The following SUSD2 variants were observed in gnomAD, a reference collection of about 807,000 sequenced individuals.
The protein encoded by SUSD2 is sushi domain containing 2.
SUSD2 carries 86 observed loss-of-function variants against 93.8 expected under a neutral mutation model. That is an observed-to-expected ratio of 0.92 (90% CI 0.77 to 1.10). SUSD2 has a LOEUF of 1.10. Ranked by LOEUF, SUSD2 falls within the 50% of genes least tolerant of loss-of-function variation. The probability of loss-of-function intolerance (pLI) is 0.00; values close to 1 mark genes in which losing one functional copy is unlikely to be tolerated. For missense variants in SUSD2, 1,060 were observed against 1,137.0 expected (o/e 0.93, Z 0.97); for synonymous variants, 483 against 485.0 (o/e 1.00, Z 0.05).
chr22:24,186,552 T>TTCACACCCACCGAGGTGCCCCCG, intron 10 of SUSD2, 137 bp downstream of exon 10: 1 of 1,069,880 alleles, frequency 9.3e-7, no homozygotes. Context: ...ACCTCAGGCC[T>TTCACACCCACCGAGGTGCCCCCG]TCACACCCAC....
chr22:24,183,022 C>T (rs767976927), intron 1 of SUSD2, 35 bp from the exon 2 acceptor site: 5 of 1,594,162 alleles, frequency 3.1e-6, no homozygotes, highest in Non-Finnish European at 8.6e-7. Flanking sequence ...AGTCCAGTAC[C>T]CGCCGGGCCA....
rs1189702841 is a variant in SUSD2 at position 24,184,137 on chromosome 22, G to A, written c.441G>A (p.Val147=). Residue 147 remains valine, a splice_region_variant and synonymous_variant, in exon 4 of 15, where the codon GTG becomes GTA. Coordinates refer to ENST00000358321, the MANE Select transcript of SUSD2 (RefSeq NM_019601.4). ...TCACCCCTCACCTCCCCTGCCCAGT[G>A]CACCCCAACAAAGTGTCAATGATGG... is the stretch of plus-strand genomic sequence containing the variant. The part of the protein sequence containing the change: ...SFPRAGTWLA[V]HPNKVSMMEK... 29 of 1,611,818 alleles carry A rather than the reference G, an allele frequency of 1.8e-5. No homozygotes were observed. Among genetic ancestry groups the A allele is most frequent in the Non-Finnish European group, 2.3e-5 (27 of 1,179,966 alleles).
In SUSD2 at chr22:24,187,603, T is replaced by C; in HGVS notation, c.1924T>C (p.Tyr642His). Residue 642 changes from tyrosine (Y) to histidine (H), a missense_variant, in exon 12 of 15, where the codon TAC (tyrosine) becomes CAC (histidine). This residue lies in a region of SUSD2 where 973 missense variants were observed against 1,005.3 expected (regional missense o/e 0.97). Coordinates refer to ENST00000358321, the MANE Select transcript of SUSD2 (RefSeq NM_019601.4). Reference protein sequence around the residue: ...TVHNASSLLTYDSWFLVHNFL... With the variant: ...TVHNASSLLTHDSWFLVHNFL... ...GCACAATGCGTCCTCCCTGCTCACCTACGATTCCTGGTTCCTGGTCCACAA... is the reference window on the plus strand; with the variant it reads ...GCACAATGCGTCCTCCCTGCTCACCCACGATTCCTGGTTCCTGGTCCACAA... 1 of 1,613,754 alleles carries C rather than the reference T, an allele frequency of 6.2e-7. No individual in the cohort carries two copies. Among genetic ancestry groups the C allele is most frequent in the South Asian group, 1.1e-5 (1 of 91,064 alleles).
chr22:24,186,341 G>C lies in SUSD2; in HGVS notation c.1568G>C (p.Arg523Thr), dbSNP rs774804891. 4.3e-6 allele frequency: 7 copies of C among 1,613,982 alleles called. No individual in the cohort carries two copies. The highest frequency in any genetic ancestry group is 5.9e-6 in the Non-Finnish European group (7 of 1,180,044). ...GTGGTGGAAGTCAGGCTGGCCAACA[G>C]GACCGGAGGTCTGGAGGTGCTGCTG... Reference protein sequence around the residue: ...SDVVEVRLANRTGGLEVLLNQ... With the variant: ...SDVVEVRLANTTGGLEVLLNQ... The change falls in exon 10 of 15, where the codon AGG becomes ACG. Residue 523 changes from arginine (R) to threonine (T), a missense_variant. By Grantham distance (71) the Arg-to-Thr change is moderately conservative (BLOSUM62 -1). Around this residue, in one of 2 missense-constraint regions of SUSD2, gnomAD observed 973 missense variants for 1,005.3 expected, o/e 0.97. Coordinates refer to ENST00000358321, the MANE Select transcript of SUSD2 (RefSeq NM_019601.4).
At chr22:24,183,364 C>T (rs970006107) in intron 2 of SUSD2, 97 bp downstream of exon 2, 97 of 1,537,148 alleles carry the variant, frequency 6.3e-5, no homozygotes, top group Non-Finnish European at 8.2e-5. Context: ...TGGAGCCCCT[C>T]GGACCCAGGA....
Position 24,188,513 on chromosome 22 carries a change from C to T in SUSD2, c.*77C>T, listed in dbSNP as rs1169356857. ...CCCAGTCCTGCGACTCCCGCATCCC[C>T]AGGACCAGACACCTGGGACCTGGAT... is the stretch of plus-strand genomic sequence containing the variant. On this transcript the variant is annotated 3_prime_UTR_variant, in exon 15 of 15. Transcript: ENST00000358321. The surrounding 1 kb of genome is among the most constrained non-coding windows in gnomAD (Gnocchi z 4.7). 55 of 1,397,530 alleles carry T rather than the reference C, an allele frequency of 3.9e-5. No individual in the cohort carries two copies. The highest frequency in any genetic ancestry group is 5.2e-5 in the Non-Finnish European group (52 of 1,001,268). The allele number at this position is 1,397,530 out of a possible 1,614,324, so 86.6% of individuals were successfully genotyped here.
chr22:24,183,567 C>G lies in SUSD2; in HGVS notation c.360C>G (p.Leu120=). Residue 120 remains leucine (L), a synonymous_variant, in exon 3 of 15, where the codon CTC becomes CTG. Coordinates refer to ENST00000358321, the MANE Select transcript of SUSD2 (RefSeq NM_019601.4). ...SGQVHCVSPL[L]YESGRIPFTV... Reference sequence around the variant, plus strand: ...AAGTGCACTGTGTGTCACCTCTGCTCTATGAGAGCGGCCGCATCCCCTTCA... The same window carrying G: ...AAGTGCACTGTGTGTCACCTCTGCTGTATGAGAGCGGCCGCATCCCCTTCA... 6.2e-7 allele frequency: 1 copy of G among 1,613,502 alleles called. No individual in the cohort carries two copies. The highest frequency in any genetic ancestry group is 8.5e-7 in the Non-Finnish European group (1 of 1,180,014).
At chr22:24,183,709 C>T (rs1160774149) in intron 3 of SUSD2, 63 bp downstream of exon 3, 25 of 1,535,762 alleles carry the variant, frequency 1.6e-5, no homozygotes, top group Middle Eastern at 1.9e-4. Flanking sequence ...CTAATCTATG[C>T]ACACCGAGAC....
Position 24,187,702 on chromosome 22 carries a change from C to T in SUSD2, c.2023C>T (p.Leu675=). 1 of 1,614,058 alleles carries T rather than the reference C, an allele frequency of 6.2e-7. No homozygotes were observed. Among genetic ancestry groups the T allele is most frequent in the Non-Finnish European group, 8.5e-7 (1 of 1,180,008 alleles). The change falls in exon 12 of 15, where the codon CTG becomes TTG. Residue 675 remains leucine, a synonymous_variant. Coordinates refer to ENST00000358321, the MANE Select transcript of SUSD2 (RefSeq NM_019601.4). Reference sequence around the variant, plus strand: ...CAGTGAGACCACCCTCAACCCCAGCCTGGCACAAGAGGCAGCCAAACTATG... The same window carrying T: ...CAGTGAGACCACCCTCAACCCCAGCTTGGCACAAGAGGCAGCCAAACTATG... The part of the protein sequence containing the change: ...FPSETTLNPS[L]AQEAAKLCGD...
chr22:24,186,453 CA>C (rs766553973), intron 10 of SUSD2, 38 bp downstream of exon 10: 1 of 1,603,420 alleles, frequency 6.2e-7, no homozygotes, highest in South Asian at 1.1e-5. Flanking sequence ...GGGCTGCCCT[CA>C]CCTCCTCCCC....
chr22:24,185,385 G>A, intron 6 of SUSD2, 90 bp downstream of exon 6: 2 of 1,541,326 alleles, frequency 1.3e-6, no homozygotes, highest in Non-Finnish European at 8.8e-7. Flanking sequence ...GAGGTGTCCT[G>A]GAGGGTGGGG....
chr22:24,184,686 T>C, intron 4 of SUSD2, 80 bp from the exon 5 acceptor site: 1 of 1,217,728 alleles, frequency 8.2e-7, no homozygotes. Context: ...TCCACCCATC[T>C]GTCAGGCTGC....
rs2047373738 is a variant in SUSD2 at position 24,187,283 on chromosome 22, G to A, written c.1724G>A (p.Gly575Asp). ...GCCGGCCTGGAGGTCAGCGTGCAGG[G>A]CCCGTTCCTGAGTGTGTCCGTCCTG... ...SGAGLEVSVQ[G>D]PFLSVSVLLP... The change falls in exon 11 of 15, where the codon GGC (glycine) becomes GAC (aspartate). Residue 575 changes from glycine to aspartate, a missense_variant. By Grantham distance (94) the Gly-to-Asp change is moderately conservative. Coordinates refer to ENST00000358321, the MANE Select transcript of SUSD2 (RefSeq NM_019601.4). The A allele has an allele frequency of 4.3e-6, 7 of 1,614,038 alleles. No homozygotes were observed. The highest frequency in any genetic ancestry group is 5.9e-6 in the Non-Finnish European group (7 of 1,180,006).
chr22:24,188,837 C>A lies in SUSD2; in HGVS notation c.*401C>A, dbSNP rs73167545. 4,249 of 192,908 alleles carry A rather than the reference C, an allele frequency of 0.022. 63 individuals are homozygous for A. Among genetic ancestry groups the A allele is most frequent in the Non-Finnish European group, 0.033 (3,036 of 92,340 alleles). The allele number at this position is 192,908 out of a possible 1,614,324, so 11.9% of individuals were successfully genotyped here. A position where few individuals can be genotyped will look rare whatever the true frequency, so the allele number is the denominator to read the frequency against. On this transcript the variant is annotated 3_prime_UTR_variant, in exon 15 of 15. Transcript: ENST00000358321. This position sits in a 1 kb window ranked among gnomAD's most constrained non-coding sequence, Gnocchi z 4.7. Reference sequence around the variant, plus strand: ...TACCTCACTCCCCAGAGCCTGATGCCGGGGCCCCTGACCCCTGATCTACGG... The same window carrying A: ...TACCTCACTCCCCAGAGCCTGATGCAGGGGCCCCTGACCCCTGATCTACGG...
At position 24,188,079 on chromosome 22, in the gene SUSD2, C is replaced by T. The variant is rs554714991; in HGVS notation, c.2285C>T (p.Thr762Ile). The T allele has an allele frequency of 1.2e-6, 2 of 1,612,914 alleles. No homozygotes were observed. Among genetic ancestry groups the T allele is most frequent in the East Asian group, 2.2e-5 (1 of 44,870 alleles). The change falls in exon 13 of 15, where the codon ACC becomes ATC. Residue 762 changes from threonine (T) to isoleucine (I), a missense_variant. Coordinates refer to ENST00000358321, the MANE Select transcript of SUSD2 (RefSeq NM_019601.4). This position sits in a 1 kb window ranked among gnomAD's most constrained non-coding sequence, Gnocchi z 4.7. ...GGCTACAGCCTGGCCGGGGCAGAGA[C>T]CAGCACCTGCCAGGCTGACGGCACC... ...DNGYSLAGAETSTCQADGTWS... is the reference protein window; with the variant it reads ...DNGYSLAGAEISTCQADGTWS...
rs1234879900 is a variant in SUSD2, at chr22:24,187,359, C to A, written c.1800C>A (p.Asn600Lys). ...THTHGLLGTL[N>K]NDPTDDFTLH... ...CCCACGGCCTCCTCGGGACACTCAA[C>A]AACGACCCCACCGACGACTTCACCC... Residue 600 changes from asparagine (N) to lysine (K), a missense_variant, in exon 11 of 15, where the codon AAC becomes AAA. This residue lies in a region of SUSD2 where 973 missense variants were observed against 1,005.3 expected (regional missense o/e 0.97). Transcript: ENST00000358321. 3.7e-6 allele frequency: 6 copies of A among 1,613,960 alleles called. No homozygotes were observed. The African/African-American group carries it at 8.0e-5, about 22-fold the overall frequency.
At position 24,185,260 on chromosome 22, in the gene SUSD2, C is replaced by T. The variant is rs1468703818; in HGVS notation, c.949C>T (p.Leu317=). The T allele has an allele frequency of 1.2e-6, 2 of 1,606,324 alleles. No individual in the cohort carries two copies. The highest frequency in any genetic ancestry group is 1.1e-5 in the South Asian group (1 of 91,002). Residue 317 remains leucine (L), a synonymous_variant, in exon 6 of 15, where the codon CTG becomes TTG. Coordinates refer to ENST00000358321, the MANE Select transcript of SUSD2 (RefSeq NM_019601.4). ...GGAGCTGCCGGACTGCCCCTGCACC[C>T]TGACCCAGGCCCGGGCTGACTCCGG... is the stretch of plus-strand genomic sequence containing the variant. ...LEELPDCPCT[L]TQARADSGRF... is the part of the protein sequence containing the mutation.
At position 24,186,138 on chromosome 22, in the gene SUSD2, C is replaced by T. The variant is rs543927742; in HGVS notation, c.1462C>T (p.Gln488Ter). ...CGACCTGAGGGTGCAGGCGCGGGCC[C>T]AGCCCGGGACGATGTCCAACGGTGA... ...LTDLRVQARA[Q>*]PGTMSNGTET... Residue 488 changes from glutamine to a stop codon, truncating the protein, a stop_gained, in exon 9 of 15, where the codon CAG becomes TAG. Transcript: ENST00000358321. LOFTEE classifies it high-confidence loss of function. 2.6e-5 allele frequency: 42 copies of T among 1,610,132 alleles called. No homozygotes were observed. The highest frequency in any genetic ancestry group is 3.4e-5 in the Non-Finnish European group (40 of 1,178,382).
chr22:24,186,912 C>T, intron 10 of SUSD2: 1 of 528,380 alleles, frequency 1.9e-6, no homozygotes, highest in Non-Finnish European at 3.4e-6. Context: ...TCGGGACGTG[C>T]CCAGGCAGGT....
Sources: gnomAD v4.1 joint callset for allele counts on GRCh38, gnomAD v4.1.1 for gene constraint, gnomAD v4.1.1 regional missense constraint, Gnocchi (gnomAD v3.1) non-coding constraint, MANE v1.5 for transcripts, NCBI Gene and HGNC (gene_info 2026-07-23, HGNC 2026-07-21) for gene names.